Variants in DLG2 observed in about 807,000 individuals in gnomAD.
The protein encoded by DLG2 is disks large homolog 2.
DLG2 carries 45 observed loss-of-function variants against 132.5 expected under a neutral mutation model. The observed-to-expected ratio is 0.34, with a 90% CI of 0.27 to 0.44. DLG2 has a LOEUF of 0.44. DLG2 is among the 20% of genes least tolerant of loss of function. The pLI, the probability that DLG2 is intolerant of heterozygous loss-of-function variation, is 1.00. For synonymous variants in DLG2, 424 were observed against 419.6 expected (o/e 1.01, Z -0.13); for missense variants, 1,045 against 1,196.9 (o/e 0.87, Z 1.87).
At chr11:84,285,235 TTC>T (rs1225502539) in intron 7 of DLG2, among the ~76,000 whole-genome samples, 1 of 152,112 alleles carries the variant, frequency 6.6e-6, no homozygotes, top group Non-Finnish European at 1.5e-5. Context: ...TCAAATCTGC[TTC>T]TCTTTCAACT....
chr11:84,704,968 T>G (rs996132959), intron 6 of DLG2, among the ~76,000 whole-genome samples: 1 of 150,628 alleles, frequency 6.6e-6, no homozygotes, highest in African/African-American at 2.4e-5. Flanking sequence ...AGTAGGCACA[T>G]GAGCATGTAC....
chr11:85,026,308 TGAAAA>T (rs1182743974), intron 6 of DLG2, among the ~76,000 whole-genome samples: 1 of 151,940 alleles, frequency 6.6e-6, no homozygotes, highest in Non-Finnish European at 1.5e-5. Context: ...GCAAAGAACA[TGAAAA>T]GAAATTTGGT....
chr11:84,889,528 G>C (rs768832855), intron 6 of DLG2, among the ~76,000 whole-genome samples: 6 of 152,082 alleles, frequency 3.9e-5, no homozygotes, highest in Non-Finnish European at 8.8e-5. Context: ...TATAGACAAG[G>C]AACTGTCTGA....
chr11:84,252,049 G>A (rs1004575439), intron 7 of DLG2, among the ~76,000 whole-genome samples: 1 of 150,378 alleles, frequency 6.6e-6, no homozygotes, highest in Non-Finnish European at 1.5e-5. Context: ...ACTGCCTTTT[G>A]AGAGTATGCT....
chr11:84,065,534 C>A (rs1830097926), intron 10 of DLG2, among the ~76,000 whole-genome samples: 1 of 152,088 alleles, frequency 6.6e-6, no homozygotes, highest in South Asian at 2.1e-4. Context: ...TCACACCAAT[C>A]TGAATGACTA....
chr11:85,283,777 A>T lies in DLG2; in HGVS notation c.186+1443T>A, dbSNP rs780289155. Among the ~76,000 whole-genome samples, 65 of 151,902 alleles carry T rather than the reference A, an allele frequency of 4.3e-4. 1 individual carries two copies. Among genetic ancestry groups the T allele is most frequent in the Admixed American group, 2.6e-4 (4 of 15,220 alleles). On this transcript the variant is annotated intron_variant, in intron 4 of 27. Transcript: ENST00000376104. Reference sequence around the variant, plus strand: ...ATTGGCCTTTTGAAAGATGGCTGATAGCATTGTTCTCCAAAACAGCTTGAC... The same window carrying T: ...ATTGGCCTTTTGAAAGATGGCTGATTGCATTGTTCTCCAAAACAGCTTGAC...
intron 16 of DLG2, among the ~76,000 whole-genome samples, chr11:83,840,433 T>C (rs965631491): frequency 6.6e-6 from 1 of 152,202 alleles, no homozygotes; most frequent in Non-Finnish European, 1.5e-5. Flanking sequence ...TCCCTCTTCC[T>C]AGATTTTAAC....
chr11:84,084,178 T>C (rs1266564121), intron 10 of DLG2, among the ~76,000 whole-genome samples: 1 of 152,158 alleles, frequency 6.6e-6, no homozygotes, highest in African/African-American at 2.4e-5. Flanking sequence ...GTTGTAGTAT[T>C]GTAGGCATGC....
intron 3 of DLG2, among the ~76,000 whole-genome samples, chr11:85,464,918 C>CA (rs2092731143): frequency 1.3e-5 from 2 of 150,572 alleles, no homozygotes; most frequent in South Asian, 4.2e-4. Context: ...ACTAAAAATA[C>CA]AAAAAATTAT....
chr11:84,402,014 T>C (rs2098831319), intron 7 of DLG2, among the ~76,000 whole-genome samples: 1 of 152,200 alleles, frequency 6.6e-6, no homozygotes, highest in Non-Finnish European at 1.5e-5. Context: ...ATTTTGAAAA[T>C]TATGTTTTTA....
intron 6 of DLG2, among the ~76,000 whole-genome samples, chr11:85,001,653 G>C (rs1323248474): frequency 6.6e-6 from 1 of 152,146 alleles, no homozygotes; most frequent in Non-Finnish European, 1.5e-5. Context: ...TTAAGGCAGT[G>C]AAAGTACTGC....
At chr11:83,600,236 G>GGTGTGTGTGTGTGTGTGTGT (rs57674131) in intron 19 of DLG2, among the ~76,000 whole-genome samples, 289 of 145,616 alleles carry the variant, frequency 2.0e-3, no homozygotes, top group African/African-American at 5.3e-3. Context: ...CTAGCTATAG[G>GGTGTGTGTGTGTGTGTGTGT]GTGTGTGTGT....
intron 14 of DLG2, among the ~76,000 whole-genome samples, chr11:83,958,364 C>G (rs918535927): frequency 6.6e-6 from 1 of 152,074 alleles, no homozygotes; most frequent in African/African-American, 2.4e-5. Context: ...GACAAGAAAT[C>G]TTTATTGAGG....
At chr11:83,755,949 AGT>A (rs976665345) in intron 18 of DLG2, among the ~76,000 whole-genome samples, 3 of 151,422 alleles carry the variant, frequency 2.0e-5, no homozygotes, top group African/African-American at 7.4e-5. Flanking sequence ...ACACTCAAAT[AGT>A]TGCAAATTAA....
At chr11:83,964,883 C>T (rs989054245) in intron 13 of DLG2, among the ~76,000 whole-genome samples, 8 of 151,880 alleles carry the variant, frequency 5.3e-5, no homozygotes, top group African/African-American at 1.2e-4. Context: ...ATCATAATTT[C>T]GCCATTCAAT....
Position 85,482,841 on chromosome 11 carries a change from C to A in DLG2, c.40+115816G>T, listed in dbSNP as rs375725458. Among the ~76,000 whole-genome samples, 45 of 152,298 alleles carry A rather than the reference C, an allele frequency of 3.0e-4. No individual in the cohort carries two copies. The South Asian group carries it at 9.3e-3, about 32-fold the overall frequency. On this transcript the variant is annotated intron_variant, in intron 3 of 27. Coordinates refer to ENST00000376104, the MANE Select transcript of DLG2 (RefSeq NM_001142699.3). ...GCAGACCCATGGTCCACCCCCAGTCCCAGTCTAGACCTTACAGACTAAGGC... is the reference window on the plus strand; with the variant it reads ...GCAGACCCATGGTCCACCCCCAGTCACAGTCTAGACCTTACAGACTAAGGC...
chr11:84,286,268 G>C (rs1029238881), intron 7 of DLG2, among the ~76,000 whole-genome samples: 1 of 152,100 alleles, frequency 6.6e-6, no homozygotes, highest in Non-Finnish European at 1.5e-5. Flanking sequence ...TTCCAGTGAT[G>C]CTCCACTCTG....
At chr11:84,020,741 C>G (rs2095366520) in intron 11 of DLG2, among the ~76,000 whole-genome samples, 1 of 152,178 alleles carries the variant, frequency 6.6e-6, no homozygotes, top group African/African-American at 2.4e-5. Context: ...ATCTGCATAG[C>G]CCCTTCACAA....
At chr11:83,997,435 A>G (rs1484805814) in intron 11 of DLG2, among the ~76,000 whole-genome samples, 2 of 152,076 alleles carry the variant, frequency 1.3e-5, no homozygotes, top group Admixed American at 6.6e-5. Context: ...TAAAAACTGT[A>G]AAGACTATGC....
Sources: gnomAD v4.1 joint callset for allele counts (sites outside exome capture counted in the v4.1 genomes callset) on GRCh38, gnomAD v4.1.1 for gene constraint, MANE v1.5 for transcripts, NCBI Gene and HGNC (gene_info 2026-07-23, HGNC 2026-07-21) for gene names.